PTPRT: variants seen among roughly 807,000 people sequenced by gnomAD.
PTPRT encodes receptor-type tyrosine-protein phosphatase T.
PTPRT carries 56 observed loss-of-function variants against 176.8 expected under a neutral mutation model. The observed-to-expected ratio is 0.32, with a 90% CI of 0.26 to 0.40. The LOEUF (loss-of-function observed/expected upper bound fraction) is 0.40, where lower values mean the gene tolerates loss of function less well. Among genes scored for constraint, PTPRT ranks in the 10% least tolerant of loss-of-function variants. The pLI is 1.00. For missense variants in PTPRT, 1,540 were observed against 1,908.2 expected (o/e 0.81, Z 3.60); for synonymous variants, 783 against 739.0 (o/e 1.06, Z -0.96).
intron 19 of PTPRT, among the ~76,000 whole-genome samples, chr20:42,123,417 T>C: frequency 6.6e-6 from 1 of 152,212 alleles, no homozygotes; most frequent in East Asian, 1.9e-4. Context: ...GACTTTGCTT[T>C]TGAGCAACTT....
At chr20:43,033,521 A>T (rs934255197) in intron 1 of PTPRT, among the ~76,000 whole-genome samples, 1 of 152,218 alleles carries the variant, frequency 6.6e-6, no homozygotes, top group Non-Finnish European at 1.5e-5. Context: ...CCCACTGTGC[A>T]TCTGCTTCTG....
intron 9 of PTPRT, among the ~76,000 whole-genome samples, chr20:42,398,151 A>G (rs2058869520): frequency 6.6e-6 from 1 of 152,200 alleles, no homozygotes; most frequent in South Asian, 2.1e-4. Context: ...TCCACAAAAA[A>G]AATTGTAAAA....
intron 14 of PTPRT, among the ~76,000 whole-genome samples, chr20:42,241,117 T>A (rs911647383): frequency 8.5e-5 from 13 of 152,048 alleles, no homozygotes; most frequent in Non-Finnish European, 1.9e-4. Flanking sequence ...ATCCAGGGAG[T>A]CTGATTTAAA....
At chr20:42,816,653 C>T (rs1295469579) in intron 2 of PTPRT, among the ~76,000 whole-genome samples, 1 of 152,114 alleles carries the variant, frequency 6.6e-6, no homozygotes, top group Admixed American at 6.6e-5. Context: ...TGCACAGTCA[C>T]ACTCCCTCAT....
chr20:42,974,490 CAT>C (rs1568711320), intron 1 of PTPRT, among the ~76,000 whole-genome samples: 2 of 152,132 alleles, frequency 1.3e-5, no homozygotes, highest in African/African-American at 4.8e-5. Context: ...CACACACACA[CAT>C]AATCATACAA....
intron 1 of PTPRT, among the ~76,000 whole-genome samples, chr20:43,132,809 A>G (rs2013687246): frequency 6.6e-6 from 1 of 152,224 alleles, no homozygotes; most frequent in Non-Finnish European, 1.5e-5. Flanking sequence ...GAGAGAATAC[A>G]ATAGATGATG....
At chr20:43,122,314 A>C (rs893191431) in intron 1 of PTPRT, among the ~76,000 whole-genome samples, 2 of 151,756 alleles carry the variant, frequency 1.3e-5, no homozygotes, top group East Asian at 3.9e-4. Flanking sequence ...AATGATTCCT[A>C]CTCCCTCTTG....
chr20:42,388,328 G>A (rs1378138212), intron 9 of PTPRT, among the ~76,000 whole-genome samples: 1 of 152,182 alleles, frequency 6.6e-6, no homozygotes, highest in African/African-American at 2.4e-5. Context: ...TATCATCAGA[G>A]TGAACAGGCA....
chr20:43,022,159 T>C (rs6124518), intron 1 of PTPRT, among the ~76,000 whole-genome samples: 1,652 of 152,290 alleles, frequency 0.011, 27 homozygotes, highest in South Asian at 0.062. Flanking sequence ...AATTTTCTAG[T>C]GAGGGTATGC....
intron 7 of PTPRT, among the ~76,000 whole-genome samples, chr20:42,644,126 A>G (rs2074830513): frequency 6.6e-6 from 1 of 152,082 alleles, no homozygotes; most frequent in African/African-American, 2.4e-5. Flanking sequence ...AAGTCCCAAG[A>G]ATCCCAATCT....
At chr20:42,771,746 T>C (rs371502862) in intron 4 of PTPRT, among the ~76,000 whole-genome samples, 196 bp from the exon 5 acceptor site, 1 of 152,218 alleles carries the variant, frequency 6.6e-6, no homozygotes, top group Non-Finnish European at 1.5e-5. Flanking sequence ...AGAATCTCAC[T>C]GAAACCTCAC....
At chr20:42,585,112 A>G (rs1209182695) in intron 7 of PTPRT, among the ~76,000 whole-genome samples, 1 of 152,110 alleles carries the variant, frequency 6.6e-6, no homozygotes, top group Non-Finnish European at 1.5e-5. Context: ...TTTTAACTTA[A>G]CTTTCTTGAT....
At chr20:42,949,137 A>G (rs768451664) in intron 1 of PTPRT, among the ~76,000 whole-genome samples, 8 of 152,214 alleles carry the variant, frequency 5.3e-5, no homozygotes, top group Non-Finnish European at 8.8e-5. Flanking sequence ...ACTTATCTCC[A>G]AGATGTCTGC....
At chr20:43,170,058 G>A (rs1238482760) in intron 1 of PTPRT, among the ~76,000 whole-genome samples, 1 of 151,710 alleles carries the variant, frequency 6.6e-6, no homozygotes, top group African/African-American at 2.4e-5. Context: ...ATCTCACCTG[G>A]TGCCCACCCA....
rs866158347 is a variant in PTPRT at position 43,162,316 on chromosome 20, C to T, written c.88+27330G>A. 3.9e-5 allele frequency among the ~76,000 whole-genome samples: 6 copies of T among 152,348 alleles called. No individual in the cohort carries two copies. The Middle Eastern group carries it at 0.02, about 518-fold the overall frequency. ...TACGTGTTTTATACATGCATTAACT[C>T]ACTTAATGCTCAGAACAACCTTATA... is the stretch of plus-strand genomic sequence containing the variant. On this transcript the variant is annotated intron_variant, in intron 1 of 30. Coordinates refer to ENST00000373187, the MANE Select transcript of PTPRT (RefSeq NM_007050.6).
rs184769238 is a variant in PTPRT, at chr20:42,758,837, G to A, written c.685-2201C>T. Among the ~76,000 whole-genome samples the A allele has an allele frequency of 7.9e-5, 12 of 152,262 alleles. No homozygotes were observed. In the East Asian group the frequency reaches 1.7e-3, roughly 22 times the overall value. On this transcript the variant is annotated intron_variant, in intron 5 of 30. Coordinates refer to ENST00000373187, the MANE Select transcript of PTPRT (RefSeq NM_007050.6). Reference sequence around the variant, plus strand: ...GTTCTGAGCTGGAAAGTTTCCATTCGCTTGCCCGAATAAAAACCAGTACAA... The same window carrying A: ...GTTCTGAGCTGGAAAGTTTCCATTCACTTGCCCGAATAAAAACCAGTACAA...
At chr20:42,605,901 C>T (rs935944457) in intron 7 of PTPRT, among the ~76,000 whole-genome samples, 16 of 152,180 alleles carry the variant, frequency 1.1e-4, no homozygotes, top group African/African-American at 2.9e-4. Flanking sequence ...ATAGATGTGG[C>T]GCAAGACCCA....
At chr20:42,067,171 G>A in the PTPRT span, among the ~76,000 whole-genome samples, 35 of 152,310 alleles carry the variant, frequency 2.3e-4, no homozygotes, top group African/African-American at 8.2e-4. Context: ...GGAAGGGATA[G>A]TTGAGATGTG....
At chr20:42,944,956 G>A (rs1325090042) in intron 1 of PTPRT, among the ~76,000 whole-genome samples, 1 of 151,794 alleles carries the variant, frequency 6.6e-6, no homozygotes, top group Non-Finnish European at 1.5e-5. Flanking sequence ...CTGTATGAAT[G>A]AATAAACCCA....
Sources: allele counts gnomAD v4.1 joint callset (sites outside exome capture counted in the v4.1 genomes callset), GRCh38; gene constraint gnomAD v4.1.1; transcripts MANE v1.5; gene names NCBI Gene and HGNC (gene_info 2026-07-23, HGNC 2026-07-21).